The following DMD variants were observed in gnomAD, a reference collection of about 807,000 sequenced individuals.
The protein encoded by DMD is dystrophin.
A neutral mutation model predicts 330.1 loss-of-function variants in DMD; 63 were observed. That is an observed-to-expected ratio of 0.19 (90% CI 0.16 to 0.24). DMD has a LOEUF of 0.24. DMD is among the 10% of genes least tolerant of loss of function. DMD has a pLI of 1.00. For missense variants in DMD, 3,344 were observed against 2,684.1 expected, an observed-to-expected ratio of 1.25 and a Z score of -5.43; for synonymous variants, 1,223 against 959.8, an observed-to-expected ratio of 1.27 and a Z score of -5.07.
chrX:33,255,654 G>C (rs893333264), intron 1 of DMD, among the ~76,000 whole-genome samples: 9 of 110,946 alleles, frequency 8.1e-5, no homozygotes, highest in African/African-American at 2.6e-4. Context: ...TGTTTCCCCA[G>C]ATTTCATATC....
intron 18 of DMD, among the ~76,000 whole-genome samples, chrX:32,512,644 A>G (rs985498834): frequency 8.9e-6 from 1 of 112,257 alleles, no homozygotes; most frequent in African/African-American, 3.2e-5. Context: ...CAAAAATTAG[A>G]TCATTGTAGG....
chrX:32,467,090 A>G (rs909149749), intron 23 of DMD, among the ~76,000 whole-genome samples: 2 of 112,236 alleles, frequency 1.8e-5, no homozygotes, highest in African/African-American at 6.5e-5. Context: ...TTACATAGGT[A>G]TGCATGTACA....
chrX:32,741,143 CATA>C (rs1355492522), intron 7 of DMD, among the ~76,000 whole-genome samples: 2 of 111,364 alleles, frequency 1.8e-5, no homozygotes, highest in Non-Finnish European at 3.8e-5. Flanking sequence ...CTGTAATAAT[CATA>C]ATAACGCAAG....
At chrX:31,856,994 A>G (rs1200186853) in intron 48 of DMD, among the ~76,000 whole-genome samples, 1 of 111,946 alleles carries the variant, frequency 8.9e-6, no homozygotes, top group Non-Finnish European at 1.9e-5. Flanking sequence ...TTCATGTTTC[A>G]GTAAGGAGAA....
At chrX:32,853,686 A>G (rs1452817013) in intron 2 of DMD, among the ~76,000 whole-genome samples, 26 of 109,149 alleles carry the variant, frequency 2.4e-4, no homozygotes, top group Non-Finnish European at 4.4e-4. Context: ...CAAAACAACC[A>G]GAAAACAAAA....
At chrX:33,125,310 G>A (rs1236630888) in intron 1 of DMD, among the ~76,000 whole-genome samples, 4 of 111,035 alleles carry the variant, frequency 3.6e-5, no homozygotes, top group African/African-American at 1.3e-4. Context: ...GCTGAAGCAT[G>A]TGATAGGTAG....
At chrX:32,748,337 C>G (rs1321362318) in intron 7 of DMD, among the ~76,000 whole-genome samples, 1 of 97,552 alleles carries the variant, frequency 1.0e-5, no homozygotes, top group South Asian at 4.8e-4. Flanking sequence ...CAGAACAAGA[C>G]TCCGTCTCAA....
intron 48 of DMD, among the ~76,000 whole-genome samples, chrX:31,864,008 G>T (rs1313643350): frequency 1.8e-5 from 2 of 110,723 alleles, no homozygotes; most frequent in Non-Finnish European, 3.8e-5. Flanking sequence ...ATATTGCAAT[G>T]GTATTTGGAT....
chrX:32,318,832 C>T (rs10127221), intron 41 of DMD, among the ~76,000 whole-genome samples: 5,637 of 111,097 alleles, frequency 0.051, 354 homozygotes, highest in African/African-American at 0.17. Context: ...AGGCTGTCAG[C>T]GAAAAAGATA....
chrX:31,427,942 G>A (rs372885404), intron 60 of DMD, among the ~76,000 whole-genome samples: 9 of 111,754 alleles, frequency 8.1e-5, no homozygotes, highest in East Asian at 2.8e-4. Context: ...GAAAAGCCTC[G>A]GTCAACAAGA....
intron 60 of DMD, among the ~76,000 whole-genome samples, chrX:31,378,055 C>A (rs1378419529): frequency 9.0e-6 from 1 of 111,460 alleles, no homozygotes; most frequent in Non-Finnish European, 1.9e-5. Context: ...AACGGCCCCA[C>A]CCCTGTCTCC....
chrX:31,182,709 A>G, intron 68 of DMD, 29 bp downstream of exon 68: 1 of 1,152,384 alleles, frequency 8.7e-7, no homozygotes, highest in Non-Finnish European at 1.2e-6. Flanking sequence ...ATGAGAAAAA[A>G]ATGACATTTT....
At chrX:33,136,508 C>G (rs138923420) in intron 1 of DMD, among the ~76,000 whole-genome samples, 274 of 108,079 alleles carry the variant, frequency 2.5e-3, no homozygotes, top group African/African-American at 8.7e-3. Flanking sequence ...ATATTTGTGT[C>G]CCTCCAAAAT....
chrX:32,356,595 G>A (rs183308152), intron 37 of DMD, among the ~76,000 whole-genome samples: 455 of 107,563 alleles, frequency 4.2e-3, no homozygotes, highest in Non-Finnish European at 6.8e-3. Flanking sequence ...TAGCAAATAA[G>A]TCTTAGTAAA....
At chrX:31,645,988 G>C (rs1292752598) in intron 54 of DMD, among the ~76,000 whole-genome samples, 3 of 111,510 alleles carry the variant, frequency 2.7e-5, no homozygotes. Flanking sequence ...TTTGGAAAAA[G>C]AAAACTCCCA....
At chrX:32,657,557 C>A (rs994143176) in intron 9 of DMD, among the ~76,000 whole-genome samples, 5 of 111,127 alleles carry the variant, frequency 4.5e-5, no homozygotes, top group Non-Finnish European at 9.4e-5. Flanking sequence ...AATGGGATAC[C>A]CAGTAAACAA....
In DMD at chrX:31,700,867, C is replaced by G. The variant is rs1028275586; in HGVS notation, c.7661-21281G>C. ...TCAGTTTATCATCTTAGGTCACTTACAAGTCACAGAAAAGAAACTATCTAG... is the reference window on the plus strand; with the variant it reads ...TCAGTTTATCATCTTAGGTCACTTAGAAGTCACAGAAAAGAAACTATCTAG... On this transcript the variant is annotated intron_variant, in intron 52 of 78. Transcript: ENST00000357033. Among the ~76,000 whole-genome samples the G allele has an allele frequency of 5.4e-5, 6 of 111,881 alleles. No individual in the cohort carries two copies. The East Asian group carries it at 1.7e-3, about 31-fold the overall frequency.
intron 60 of DMD, among the ~76,000 whole-genome samples, chrX:31,429,672 A>G (rs780714013): frequency 9.0e-6 from 1 of 111,373 alleles, no homozygotes; most frequent in South Asian, 3.8e-4. Context: ...TACCTCCTTC[A>G]GTTTGTTGTA....
At chrX:32,196,852 A>G (rs1280657122) in intron 44 of DMD, among the ~76,000 whole-genome samples, 23 of 109,005 alleles carry the variant, frequency 2.1e-4, no homozygotes, top group East Asian at 1.4e-3. Flanking sequence ...GGGGCGTGGT[A>G]GCCAGCGCCT....
Sources: allele counts gnomAD v4.1 joint callset (sites outside exome capture counted in the v4.1 genomes callset), GRCh38; gene constraint gnomAD v4.1.1; transcripts MANE v1.5; gene names NCBI Gene and HGNC (gene_info 2026-07-23, HGNC 2026-07-21).